Variants in TFEB observed in about 807,000 individuals in gnomAD.
TFEB encodes transcription factor EB, also known as T-cell transcription factor EB.
A neutral mutation model predicts 48.0 loss-of-function variants in TFEB; 12 were observed. The observed-to-expected ratio is 0.25, with a 90% CI of 0.16 to 0.40. TFEB has a LOEUF of 0.40. Among genes scored for constraint, TFEB ranks in the 10% least tolerant of loss-of-function variants. The pLI, the probability that TFEB is intolerant of heterozygous loss-of-function variation, is 1.00. For missense variants in TFEB, 509 were observed against 640.3 expected, an observed-to-expected ratio of 0.79 and a Z score of 2.21; for synonymous variants, 244 against 261.4, an observed-to-expected ratio of 0.93 and a Z score of 0.64.
chr6:41,715,691 A>G (rs1770708118), intron 1 of TFEB, among the ~76,000 whole-genome samples: 2 of 150,526 alleles, frequency 1.3e-5, no homozygotes, highest in Non-Finnish European at 3.0e-5. Context: ...AAAAAAAAAA[A>G]GTCTCACGGA....
intron 1 of TFEB, among the ~76,000 whole-genome samples, chr6:41,717,425 C>T (rs1037162667): frequency 2.0e-5 from 3 of 152,096 alleles, no homozygotes. Flanking sequence ...TAGTAGAGCA[C>T]GTTCATGTAT....
intron 8 of TFEB, 125 bp downstream of exon 8, chr6:41,685,965 C>T: frequency 1.4e-5 from 18 of 1,258,814 alleles, no homozygotes; most frequent in Non-Finnish European, 2.0e-5. Context: ...CTAACTGATA[C>T]ATCCTCCTTC....
At position 41,691,472 on chromosome 6, in the gene TFEB, TG is replaced by T. The variant is rs759630599; in HGVS notation, c.-22-238del. On this transcript the variant is annotated intron_variant, in intron 1 of 8. Coordinates refer to ENST00000373033, the MANE Select transcript of TFEB (RefSeq NM_001271944.2). The surrounding 1 kb of genome is among the most constrained non-coding windows in gnomAD (Gnocchi z 5.2). ...TGAAGGTTCTGTCTTCTTCACTCAT[TG>T]CAGTTGGTAAATCCCAAACTCTAAG... 1 of 698,932 alleles carries T rather than the reference TG, an allele frequency of 1.4e-6. No individual in the cohort carries two copies. Among genetic ancestry groups the T allele is most frequent in the African/African-American group, 1.8e-5 (1 of 56,740 alleles). 43.3% of individuals were successfully genotyped at this position (698,932 alleles called of 1,614,324 possible). A position where few individuals can be genotyped will look rare whatever the true frequency, so the allele number is the denominator to read the frequency against.
At chr6:41,701,490 G>A (rs1769921957) in intron 1 of TFEB, among the ~76,000 whole-genome samples, 1 of 152,186 alleles carries the variant, frequency 6.6e-6, no homozygotes, top group African/African-American at 2.4e-5. Context: ...AAGGGCTGCT[G>A]GTCCAGTGAC....
chr6:41,727,547 C>A (rs1364733249), intron 1 of TFEB, among the ~76,000 whole-genome samples: 1 of 152,078 alleles, frequency 6.6e-6, no homozygotes, highest in African/African-American at 2.4e-5. Flanking sequence ...TAAAAATTAG[C>A]CAGGTGTAGT....
In TFEB at chr6:41,723,968, C is replaced by G. The variant is rs754043195; in HGVS notation, c.-23+11382G>C. ...TGTGTCCTTCTAGCCAGAAGCCCCA[C>G]AGCTCACCATCTTCCTGACTGGCCA... is the stretch of plus-strand genomic sequence containing the variant. On this transcript the variant is annotated intron_variant, in intron 1 of 8. Coordinates refer to ENST00000373033, the MANE Select transcript of TFEB (RefSeq NM_001271944.2). This position sits in a 1 kb window ranked among gnomAD's most constrained non-coding sequence, Gnocchi z 6.0. 3 of 506,546 alleles carry G rather than the reference C, an allele frequency of 5.9e-6. No individual in the cohort carries two copies. Among genetic ancestry groups the G allele is most frequent in the Non-Finnish European group, 1.2e-5 (3 of 254,392 alleles). 31.4% of individuals were successfully genotyped at this position (506,546 alleles called of 1,614,324 possible).
At chr6:41,701,642 G>A (rs541519611) in intron 1 of TFEB, among the ~76,000 whole-genome samples, 11 of 152,246 alleles carry the variant, frequency 7.2e-5, no homozygotes, top group Admixed American at 3.9e-4. Context: ...ATAGGAAACC[G>A]AGACTCAGAA....
rs1225376357 is a variant in TFEB at position 41,686,086 on chromosome 6, A to G, written c.951+4T>C. 1.2e-6 allele frequency: 2 copies of G among 1,614,288 alleles called. No individual in the cohort carries two copies. The highest frequency in any genetic ancestry group is 1.7e-6 in the Non-Finnish European group (2 of 1,180,048). The stretch of plus-strand genomic sequence containing the variant: ...ACCAAAGAAGTCCAAGTTCAGGACC[A>G]GACCTGGATACGGAGCCAGAGCTGC... On this transcript the variant is annotated splice_donor_region_variant and intron_variant, in intron 8 of 8. Coordinates refer to ENST00000373033, the MANE Select transcript of TFEB (RefSeq NM_001271944.2).
chr6:41,698,313 T>C (rs538389645), intron 1 of TFEB, among the ~76,000 whole-genome samples: 51 of 152,272 alleles, frequency 3.3e-4, no homozygotes, highest in Admixed American at 9.8e-4. Context: ...CAGTCCTGCA[T>C]TCAGGGTGAG....
chr6:41,725,544 C>T (rs974134804), intron 1 of TFEB, among the ~76,000 whole-genome samples: 5 of 152,194 alleles, frequency 3.3e-5, no homozygotes, highest in East Asian at 3.8e-4. Flanking sequence ...TAGGGGGTCT[C>T]CCCACAAGAC....
intron 8 of TFEB, among the ~76,000 whole-genome samples, chr6:41,685,487 G>T (rs187431613): frequency 1.2e-4 from 19 of 152,324 alleles, no homozygotes; most frequent in Non-Finnish European, 2.4e-4. Context: ...ATAAGAAAGA[G>T]AAACAAGGTG....
chr6:41,723,688 G>A lies in TFEB; in HGVS notation c.-23+11662C>T, dbSNP rs184708049. The A allele has an allele frequency of 6.3e-5, 30 of 473,126 alleles. No individual in the cohort carries two copies. The highest frequency in any genetic ancestry group is 4.9e-5 in the Non-Finnish European group (14 of 283,084). The allele number at this position is 473,126 out of a possible 1,614,324, so 29.3% of individuals were successfully genotyped here. A position where few individuals can be genotyped will look rare whatever the true frequency, so the allele number is the denominator to read the frequency against. On this transcript the variant is annotated intron_variant, in intron 1 of 8. Transcript: ENST00000373033. This position sits in a 1 kb window ranked among gnomAD's most constrained non-coding sequence, Gnocchi z 6.0. Reference sequence around the variant, plus strand: ...TTACTCACAGCACAGAGGGAACTGCGCCCCGACGGCACAGTCCCACACCGC... The same window carrying A: ...TTACTCACAGCACAGAGGGAACTGCACCCCGACGGCACAGTCCCACACCGC...
intron 1 of TFEB, among the ~76,000 whole-genome samples, chr6:41,716,182 CTG>C (rs1304978748): frequency 1.3e-5 from 2 of 152,238 alleles, no homozygotes; most frequent in East Asian, 3.8e-4. Context: ...GAGGAGGAAA[CTG>C]AGGCATACAG....
chr6:41,684,560 C>A lies in TFEB; in HGVS notation c.*39G>T, dbSNP rs747487036. On this transcript the variant is annotated 3_prime_UTR_variant, in exon 9 of 9. Transcript: ENST00000373033. Reference sequence around the variant, plus strand: ...AGGTGCCCCTGGCCCTCCCAGCCCCCAGGCCGGCCCCTGTTCCCTGGCACA... The same window carrying A: ...AGGTGCCCCTGGCCCTCCCAGCCCCAAGGCCGGCCCCTGTTCCCTGGCACA... 28 of 1,508,576 alleles carry A rather than the reference C, an allele frequency of 1.9e-5. No homozygotes were observed. In the African/African-American group the frequency reaches 3.1e-4, roughly 17 times the overall value. 93.4% of individuals were successfully genotyped at this position (1,508,576 alleles called of 1,614,324 possible). A position where few individuals can be genotyped will look rare whatever the true frequency, so the allele number is the denominator to read the frequency against.
In TFEB at chr6:41,735,415, G is replaced by A; in HGVS notation, c.-88C>T. The A allele has an allele frequency of 2.0e-6, 2 of 985,536 alleles. No homozygotes were observed. The highest frequency in any genetic ancestry group is 1.1e-4 in the East Asian group (1 of 8,798). The allele number at this position is 985,536 out of a possible 1,614,324, so 61.0% of individuals were successfully genotyped here. ...GGCTCCGGCAACTTGTCGCAAGTTC[G>A]GGTGCCTGGCCCGCAAGCTGTGCCC... On this transcript the variant is annotated 5_prime_UTR_variant, in exon 1 of 9. Transcript: ENST00000373033.
intron 1 of TFEB, among the ~76,000 whole-genome samples, chr6:41,700,862 T>C (rs1300076532): frequency 1.3e-5 from 2 of 152,208 alleles, no homozygotes; most frequent in African/African-American, 4.8e-5. Flanking sequence ...CTGGTCAGAC[T>C]GTTGGCCCGG....
At chr6:41,735,297 G>A in intron 1 of TFEB, 53 bp downstream of exon 1, 6 of 983,894 alleles carry the variant, frequency 6.1e-6, no homozygotes, top group Non-Finnish European at 7.2e-6. Context: ...CAGGGAGCCT[G>A]GGTCGGGGGT....
chr6:41,707,458 T>C (rs888965884), intron 1 of TFEB, among the ~76,000 whole-genome samples: 1 of 152,140 alleles, frequency 6.6e-6, no homozygotes, highest in Non-Finnish European at 1.5e-5. Context: ...GGCTGTGACT[T>C]GGCGTGCCTG....
At position 41,723,100 on chromosome 6, in the gene TFEB, C is replaced by T. The variant is rs1345049319; in HGVS notation, c.-23+12250G>A. The stretch of plus-strand genomic sequence containing the variant: ...CATGCTAAGCCCATCCTGCCCATGA[C>T]CTTCTCACTCGACCCTTGAAATAAG... On this transcript the variant is annotated intron_variant, in intron 1 of 8. Coordinates refer to ENST00000373033, the MANE Select transcript of TFEB (RefSeq NM_001271944.2). The surrounding 1 kb of genome is among the most constrained non-coding windows in gnomAD (Gnocchi z 6.0). Among the ~76,000 whole-genome samples, 1 of 152,148 alleles carries T rather than the reference C, an allele frequency of 6.6e-6. No individual in the cohort carries two copies.
Sources: allele counts gnomAD v4.1 joint callset (sites outside exome capture counted in the v4.1 genomes callset), GRCh38; gene constraint gnomAD v4.1.1; non-coding constraint Gnocchi (gnomAD v3.1); transcripts MANE v1.5; gene names NCBI Gene and HGNC (gene_info 2026-07-23, HGNC 2026-07-21).